Variants in TENM4 observed in about 807,000 individuals in gnomAD.
TENM4 encodes the protein teneurin-4.
In TENM4, 82 loss-of-function variants were observed where a neutral mutation model predicts 243.3. The ratio of observed to expected loss-of-function variants is 0.34; its 90% CI spans 0.28 to 0.40. The LOEUF (loss-of-function observed/expected upper bound fraction) is 0.40. TENM4 is among the 10% of genes least tolerant of loss of function. The pLI, the probability that TENM4 is intolerant of heterozygous loss-of-function variation, is 1.00. For missense variants in TENM4, 3,138 were observed against 3,673.3 expected (o/e 0.85, Z 3.77); for synonymous variants, 1,412 against 1,456.3 (o/e 0.97, Z 0.69).
intron 1 of TENM4, among the ~76,000 whole-genome samples, chr11:79,400,407 A>G (rs1039676391): frequency 3.3e-5 from 5 of 151,806 alleles, no homozygotes; most frequent in African/African-American, 4.8e-5. Flanking sequence ...AGTGTCACAG[A>G]CTTTGTGAAG....
intron 12 of TENM4, among the ~76,000 whole-genome samples, chr11:78,833,063 T>C (rs1421866025): frequency 1.3e-5 from 2 of 152,204 alleles, no homozygotes; most frequent in Non-Finnish European, 2.9e-5. Context: ...TCTCCTACAG[T>C]TCCTACCGCT....
At chr11:78,949,032 A>G (rs1035745985) in intron 6 of TENM4, among the ~76,000 whole-genome samples, 1 of 152,192 alleles carries the variant, frequency 6.6e-6, no homozygotes, top group African/African-American at 2.4e-5. Context: ...TAATCTCCCC[A>G]CTATAAAGTA....
intron 4 of TENM4, among the ~76,000 whole-genome samples, chr11:79,146,564 G>C (rs1862398370): frequency 6.6e-6 from 1 of 151,910 alleles, no homozygotes; most frequent in Non-Finnish European, 1.5e-5. Context: ...GGTCTTCAGG[G>C]GCATGGTCTT....
chr11:79,122,560 T>C (rs1253156363), intron 4 of TENM4, among the ~76,000 whole-genome samples: 1 of 152,104 alleles, frequency 6.6e-6, no homozygotes, highest in Non-Finnish European at 1.5e-5. Flanking sequence ...ATAGCATCTC[T>C]AGGCCTTGGT....
chr11:78,796,426 T>C (rs919891507), intron 15 of TENM4, among the ~76,000 whole-genome samples: 23 of 152,080 alleles, frequency 1.5e-4, no homozygotes, highest in African/African-American at 5.3e-4. Context: ...CTGGGTGAAA[T>C]GAAGAGACAG....
intron 1 of TENM4, among the ~76,000 whole-genome samples, chr11:79,346,417 G>A (rs969521996): frequency 2.6e-5 from 4 of 152,050 alleles, no homozygotes; most frequent in South Asian, 2.1e-4. Context: ...CTGGCACACC[G>A]TAGGCACTCA....
At chr11:79,185,559 C>G (rs1366102738) in intron 3 of TENM4, among the ~76,000 whole-genome samples, 1 of 152,096 alleles carries the variant, frequency 6.6e-6, no homozygotes, top group Non-Finnish European at 1.5e-5. Context: ...ACTCTTGGTG[C>G]CAGGAGGAGA....
At chr11:78,984,353 C>T (rs653109) in intron 6 of TENM4, among the ~76,000 whole-genome samples, 152,201 of 152,296 alleles carry the variant, frequency 1, 76,055 homozygotes, top group Middle Eastern at 1. Flanking sequence ...TAGATACCCT[C>T]GAGAGTTCTT....
chr11:78,761,464 C>T (rs1382989110), intron 18 of TENM4, among the ~76,000 whole-genome samples: 1 of 152,124 alleles, frequency 6.6e-6, no homozygotes, highest in Non-Finnish European at 1.5e-5. Context: ...TGGTCTCGAT[C>T]TCCTGACCTC....
At chr11:79,285,256 A>G (rs187875342) in intron 2 of TENM4, among the ~76,000 whole-genome samples, 1 of 151,854 alleles carries the variant, frequency 6.6e-6, no homozygotes, top group South Asian at 2.1e-4. Flanking sequence ...AATAAATAAA[A>G]AAAAAGAGAG....
At chr11:79,263,557 T>G (rs776181739) in intron 2 of TENM4, among the ~76,000 whole-genome samples, 2 of 152,248 alleles carry the variant, frequency 1.3e-5, no homozygotes, top group Non-Finnish European at 2.9e-5. Context: ...AAAGAGTCCA[T>G]GTAGACAATA....
intron 6 of TENM4, among the ~76,000 whole-genome samples, chr11:78,917,455 T>C (rs73500660): frequency 0.013 from 2,012 of 152,288 alleles, 58 homozygotes; most frequent in African/African-American, 0.046. Context: ...GAGAGATGCT[T>C]TTCATCATTT....
intron 6 of TENM4, among the ~76,000 whole-genome samples, chr11:78,908,373 A>G (rs1856110367): frequency 6.6e-6 from 1 of 152,240 alleles, no homozygotes; most frequent in Non-Finnish European, 1.5e-5. Flanking sequence ...CATGCTTGGA[A>G]TATAGGAATT....
Position 78,789,184 on chromosome 11 carries a change from T to C in TENM4, c.2180-2101A>G, listed in dbSNP as rs141768838. Among the ~76,000 whole-genome samples, 86 of 152,280 alleles carry C rather than the reference T, an allele frequency of 5.6e-4. 1 individual carries two copies. In the East Asian group the frequency reaches 0.015, roughly 27 times the overall value. ...GATGATGGATGAATTACGGTATGCC[T>C]GGGGCTATAGGTGCCTGAGAATGGT... On this transcript the variant is annotated intron_variant, in intron 15 of 33. Coordinates refer to ENST00000278550, the MANE Select transcript of TENM4 (RefSeq NM_001098816.3).
At chr11:79,261,357 G>C (rs1223061756) in intron 2 of TENM4, among the ~76,000 whole-genome samples, 1 of 152,182 alleles carries the variant, frequency 6.6e-6, no homozygotes, top group Non-Finnish European at 1.5e-5. Context: ...CAGGGGCTGT[G>C]GAATGGACAT....
intron 1 of TENM4, among the ~76,000 whole-genome samples, chr11:79,356,949 A>C (rs1466102140): frequency 6.6e-6 from 1 of 152,146 alleles, no homozygotes; most frequent in East Asian, 1.9e-4. Flanking sequence ...AAGAGAATCT[A>C]CTTCTCAGAC....
chr11:79,403,522 T>G (rs1442565440), intron 1 of TENM4, among the ~76,000 whole-genome samples: 2 of 152,188 alleles, frequency 1.3e-5, no homozygotes, highest in Non-Finnish European at 1.5e-5. Flanking sequence ...TTTGATACCC[T>G]TTCCATCTCC....
chr11:78,932,294 C>T (rs990252782), intron 6 of TENM4, among the ~76,000 whole-genome samples: 5 of 152,176 alleles, frequency 3.3e-5, no homozygotes, highest in African/African-American at 7.2e-5. Context: ...AGCTCCAGCC[C>T]TATGAGATGA....
intron 1 of TENM4, among the ~76,000 whole-genome samples, chr11:79,423,929 C>A (rs1204637243): frequency 6.6e-6 from 1 of 152,176 alleles, no homozygotes; most frequent in Non-Finnish European, 1.5e-5. Flanking sequence ...CTGCCTCCCC[C>A]ACTAACCTGG....
Sources: allele counts gnomAD v4.1 joint callset (sites outside exome capture counted in the v4.1 genomes callset), GRCh38; gene constraint gnomAD v4.1.1; transcripts MANE v1.5; gene names NCBI Gene and HGNC (gene_info 2026-07-23, HGNC 2026-07-21).